The following CNTNAP1 variants were observed in gnomAD, a reference collection of about 807,000 sequenced individuals.
CNTNAP1 encodes contactin associated protein 1, also known as contactin-associated protein 1.
Under a neutral mutation model 161.5 loss-of-function variants are expected in CNTNAP1, and 80 were observed. The ratio of observed to expected loss-of-function variants is 0.50; its 90% CI spans 0.41 to 0.60. The LOEUF (loss-of-function observed/expected upper bound fraction) is 0.60, where lower values mean the gene tolerates loss of function less well. CNTNAP1 is among the 20% of genes least tolerant of loss of function. CNTNAP1 has a pLI of 0.00. For missense variants in CNTNAP1, 1,464 were observed against 1,854.8 expected (o/e 0.79, Z 3.87); for synonymous variants, 695 against 733.1 (o/e 0.95, Z 0.84).
At chr17:42,692,113 G>A in intron 16 of CNTNAP1, 122 bp downstream of exon 16, 1 of 1,041,500 alleles carries the variant, frequency 9.6e-7, no homozygotes, top group Non-Finnish European at 1.4e-6. Flanking sequence ...GGGAAGGGTT[G>A]AGATACCCTA....
rs1444439791 is a variant in CNTNAP1, at chr17:42,684,022, T to C, written c.170-14T>C. The C allele has an allele frequency of 1.9e-6, 3 of 1,613,916 alleles. No individual in the cohort carries two copies. Among genetic ancestry groups the C allele is most frequent in the Non-Finnish European group, 2.5e-6 (3 of 1,179,848 alleles). ...GAGAGGGATAGCCGGTTAAAGCTCCTGTCCTTTCTATAGGCATAAGCGGGT... is the reference window on the plus strand; with the variant it reads ...GAGAGGGATAGCCGGTTAAAGCTCCCGTCCTTTCTATAGGCATAAGCGGGT... On this transcript the variant is annotated splice_polypyrimidine_tract_variant and intron_variant, in intron 2 of 23. Coordinates refer to ENST00000264638, the MANE Select transcript of CNTNAP1 (RefSeq NM_003632.3).
At chr17:42,689,683 G>GACCTT in intron 11 of CNTNAP1, 56 bp downstream of exon 11, 1 of 1,406,076 alleles carries the variant, frequency 7.1e-7, no homozygotes, top group Non-Finnish European at 1.0e-6. Flanking sequence ...ATAGAAGGTT[G>GACCTT]CTGGGGATCA....
chr17:42,694,631 CA>C (rs34438412), intron 18 of CNTNAP1, among the ~76,000 whole-genome samples: 148 of 137,466 alleles, frequency 1.1e-3, no homozygotes, highest in East Asian at 2.6e-3. Context: ...ACTGTGTCTA[CA>C]AAAAAAAAAA....
chr17:42,686,845 C>T, intron 6 of CNTNAP1, 58 bp from the exon 7 acceptor site: 1 of 1,529,976 alleles, frequency 6.5e-7, no homozygotes, highest in Non-Finnish European at 8.8e-7. Flanking sequence ...CGGGGACGCG[C>T]GAGAAAGGCA....
At chr17:42,689,365 T>C (rs959486801) in intron 10 of CNTNAP1, among the ~76,000 whole-genome samples, 156 bp from the exon 11 acceptor site, 6 of 152,032 alleles carry the variant, frequency 3.9e-5, no homozygotes, top group Admixed American at 3.3e-4. Flanking sequence ...GACTGCCTAG[T>C]GCCCCTGCAT....
intron 6 of CNTNAP1, 85 bp downstream of exon 6, chr17:42,686,226 T>A: frequency 7.3e-7 from 1 of 1,378,426 alleles, no homozygotes; most frequent in Non-Finnish European, 1.0e-6. Context: ...TCTCTTTTCC[T>A]CTGTCTCTCA....
At chr17:42,683,636 T>G (rs1479747996) in intron 1 of CNTNAP1, 185 bp from the exon 2 acceptor site, 14 of 1,429,636 alleles carry the variant, frequency 9.8e-6, no homozygotes, top group Non-Finnish European at 1.2e-5. Context: ...GAAGGTAGCC[T>G]CCTCTGAGCA....
chr17:42,689,417 G>A (rs569652912), intron 10 of CNTNAP1, 104 bp from the exon 11 acceptor site: 7 of 890,146 alleles, frequency 7.9e-6, no homozygotes, highest in South Asian at 6.4e-5. Context: ...GTGTCTCACC[G>A]GGTTCTGGGG....
chr17:42,695,513 AC>A lies in CNTNAP1; in HGVS notation c.2993-6del. Reference sequence around the variant, plus strand: ...TGGGGGCCCTAACCTCCCTGCTTCTACCTGCAGATATTGGTGGTTTCTTTGA... The same window carrying A: ...TGGGGGCCCTAACCTCCCTGCTTCTACTGCAGATATTGGTGGTTTCTTTGA... On this transcript the variant is annotated splice_region_variant and splice_polypyrimidine_tract_variant and intron_variant, in intron 18 of 23. Transcript: ENST00000264638. 1 of 1,595,692 alleles carries A rather than the reference AC, an allele frequency of 6.3e-7. No individual in the cohort carries two copies. The highest frequency in any genetic ancestry group is 1.1e-5 in the South Asian group (1 of 90,122).
intron 17 of CNTNAP1, 23 bp downstream of exon 17, chr17:42,692,743 G>C (rs780767064): frequency 6.3e-7 from 1 of 1,581,476 alleles, no homozygotes; most frequent in South Asian, 1.1e-5. Context: ...CCAGAGGCAA[G>C]TCTGAAGCCT....
rs1288763431 is a variant in CNTNAP1 at position 42,682,809 on chromosome 17, T to A, written c.-21T>A. 5 of 1,557,568 alleles carry A rather than the reference T, an allele frequency of 3.2e-6. No homozygotes were observed. The highest frequency in any genetic ancestry group is 4.3e-6 in the Non-Finnish European group (5 of 1,153,368). ...CCGGAGCCGTTCACAGGGAGGCGGC[T>A]GCCGGGACCGTCAGCCCTGCATGAT... is the stretch of plus-strand genomic sequence containing the variant. On this transcript the variant is annotated 5_prime_UTR_variant, in exon 1 of 24. Transcript: ENST00000264638.
intron 23 of CNTNAP1, 49 bp from the exon 24 acceptor site, chr17:42,698,563 GTGTGTA>G: frequency 1.5e-6 from 2 of 1,353,904 alleles, no homozygotes; most frequent in Non-Finnish European, 2.1e-6. Flanking sequence ...GTGTGTGTGT[GTGTGTA>G]TACAGGTGAG....
At position 42,682,644 on chromosome 17, in the gene CNTNAP1, G is replaced by C. The variant is rs950959800; in HGVS notation, c.-186G>C. ...CGGAGGACCAGGAACCAGAGAGAGA[G>C]AGAGAGAAAAGAGAGAGGAGAGACA... is the stretch of plus-strand genomic sequence containing the variant. On this transcript the variant is annotated 5_prime_UTR_variant, in exon 1 of 24. Transcript: ENST00000264638. The C allele has an allele frequency of 2.9e-5, 18 of 619,372 alleles. No homozygotes were observed. The highest frequency in any genetic ancestry group is 5.2e-5 in the Admixed American group (2 of 38,172). 38.4% of individuals were successfully genotyped at this position (619,372 alleles called of 1,614,324 possible). A position where few individuals can be genotyped will look rare whatever the true frequency, so the allele number is the denominator to read the frequency against.
Position 42,699,436 on chromosome 17 carries a change from C to G in CNTNAP1, c.*526C>G, listed in dbSNP as rs951002331. ...GAGGGCTTGATGGCTGTCCCCTGCC[C>G]CCCTCCTTTTGTTTTGTACACAGAG... On this transcript the variant is annotated 3_prime_UTR_variant, in exon 24 of 24. Transcript: ENST00000264638. 3 of 153,248 alleles carry G rather than the reference C, an allele frequency of 2.0e-5. No homozygotes were observed. Among genetic ancestry groups the G allele is most frequent in the African/African-American group, 7.2e-5 (3 of 41,448 alleles). 9.5% of individuals were successfully genotyped at this position (153,248 alleles called of 1,614,324 possible).
At position 42,685,925 on chromosome 17, in the gene CNTNAP1, T is replaced by C. The variant is rs377294475; in HGVS notation, c.716-32T>C. ...TGGACTCCATGGAGTTCTCCTGGCT[T>C]GAGGTTTCACTCTGTCCTGCCCCAC... On this transcript the variant is annotated intron_variant, in intron 5 of 23. Transcript: ENST00000264638. The surrounding 1 kb of genome is among the most constrained non-coding windows in gnomAD (Gnocchi z 5.0). The C allele has an allele frequency of 2.4e-5, 38 of 1,607,386 alleles. No individual in the cohort carries two copies. In the African/African-American group the frequency reaches 4.7e-4, roughly 20 times the overall value.
rs141730359 is a variant in CNTNAP1, at chr17:42,685,008, G to A, written c.381G>A (p.Val127=). The A allele has an allele frequency of 4.4e-6, 7 of 1,606,904 alleles. No individual in the cohort carries two copies. In the African/African-American group the frequency reaches 9.4e-5, roughly 22 times the overall value. The change falls in exon 4 of 24, where the codon GTG becomes GTA. Residue 127 remains valine (V), a synonymous_variant. Transcript: ENST00000264638. This position sits in a 1 kb window ranked among gnomAD's most constrained non-coding sequence, Gnocchi z 5.0. ...RGHNSTFFGN[V]NESAVVRHDL... The stretch of plus-strand genomic sequence containing the variant: ...CCCCGCAGACCTTCTTTGGTAACGT[G>A]AACGAGTCGGCGGTGGTGCGCCATG...
Position 42,689,590 on chromosome 17 carries a change from C to A in CNTNAP1, c.1698C>A (p.Cys566Ter). The A allele has an allele frequency of 6.2e-7, 1 of 1,613,862 alleles. No individual in the cohort carries two copies. The highest frequency in any genetic ancestry group is 8.5e-7 in the Non-Finnish European group (1 of 1,179,888). Reference protein sequence around the residue: ...YQSWDDFICYCELTGYKGETC... With the variant: ...YQSWDDFICY Reference sequence around the variant, plus strand: ...CTTGGGATGACTTCATTTGCTACTGCGAACTGACGGGCTACAAGGGAGAGA... The same window carrying A: ...CTTGGGATGACTTCATTTGCTACTGAGAACTGACGGGCTACAAGGGAGAGA... Residue 566 changes from cysteine (C) to a stop codon, truncating the protein, a stop_gained, in exon 11 of 24, where the codon TGC (cysteine) becomes TGA (stop). Transcript: ENST00000264638. LOFTEE classifies it high-confidence loss of function.
chr17:42,698,501 T>C, intron 23 of CNTNAP1, 117 bp from the exon 24 acceptor site: 1 of 787,724 alleles, frequency 1.3e-6, no homozygotes, highest in Non-Finnish European at 2.0e-6. Flanking sequence ...TCCCAAAGTG[T>C]GTGTATGTAT....
rs773133272 is a variant in CNTNAP1, at chr17:42,697,935, G to T, written c.3847G>T (p.Ala1283Ser). The change falls in exon 23 of 24, where the codon GCC (alanine) becomes TCC (serine). Residue 1283 changes from alanine (A) to serine (S), a missense_variant. Ala to Ser is a moderately conservative substitution (Grantham distance 99, BLOSUM62 1). Coordinates refer to ENST00000264638, the MANE Select transcript of CNTNAP1 (RefSeq NM_003632.3). ...FPYYHDEGWV[A>S]ILLGFLVAFL... is the part of the protein sequence containing the mutation. ...CTACTACCATGATGAAGGATGGGTTGCCATACTTTTAGGCTGTGAGTAGCA... is the reference window on the plus strand; with the variant it reads ...CTACTACCATGATGAAGGATGGGTTTCCATACTTTTAGGCTGTGAGTAGCA... 6.2e-7 allele frequency: 1 copy of T among 1,614,190 alleles called. No homozygotes were observed. Among genetic ancestry groups the T allele is most frequent in the South Asian group, 1.1e-5 (1 of 91,090 alleles).
Sources: gnomAD v4.1 joint callset for allele counts (sites outside exome capture counted in the v4.1 genomes callset) on GRCh38, gnomAD v4.1.1 for gene constraint, Gnocchi (gnomAD v3.1) non-coding constraint, MANE v1.5 for transcripts, NCBI Gene and HGNC (gene_info 2026-07-23, HGNC 2026-07-21) for gene names.